The following NFIB variants were observed in gnomAD, a reference collection of about 807,000 sequenced individuals.
NFIB encodes nuclear factor I B, also known as nuclear factor 1 B-type.
NFIB carries 11 observed loss-of-function variants against 61.5 expected under a neutral mutation model. The observed-to-expected ratio is 0.18, with a 90% CI of 0.11 to 0.30. The LOEUF (loss-of-function observed/expected upper bound fraction) is 0.30, where lower values mean the gene tolerates loss of function less well. Ranked by LOEUF, NFIB falls within the 10% of genes least tolerant of loss-of-function variation. The pLI is 1.00. For synonymous variants in NFIB, 260 were observed against 216.5 expected (o/e 1.20, Z -1.76); for missense variants, 471 against 608.9 (o/e 0.77, Z 2.38).
the NFIB span, among the ~76,000 whole-genome samples, chr9:14,487,558 C>A: frequency 6.6e-6 from 1 of 152,108 alleles, no homozygotes; most frequent in African/African-American, 2.4e-5. Flanking sequence ...CCCCCAAATT[C>A]CTAAGCAAAT....
At chr9:14,211,166 T>C (rs2050266001) in intron 2 of NFIB, among the ~76,000 whole-genome samples, 1 of 152,334 alleles carries the variant, frequency 6.6e-6, no homozygotes, top group African/African-American at 2.4e-5. Context: ...ACAACAGTGC[T>C]CTTAGCTTAA....
At chr9:14,271,047 T>C (rs2057573326) in intron 2 of NFIB, among the ~76,000 whole-genome samples, 1 of 152,146 alleles carries the variant, frequency 6.6e-6, no homozygotes, top group Admixed American at 6.5e-5. Flanking sequence ...CACGTATGCA[T>C]GTTTTAAGAG....
At chr9:14,251,488 CA>C (rs145733205) in intron 2 of NFIB, among the ~76,000 whole-genome samples, 478 of 152,298 alleles carry the variant, frequency 3.1e-3, no homozygotes, top group Non-Finnish European at 5.2e-3. Context: ...CTTGGGTATT[CA>C]AAGGCCAAGT....
chr9:14,107,776 T>G (rs545726390), intron 10 of NFIB, among the ~76,000 whole-genome samples: 35 of 152,136 alleles, frequency 2.3e-4, no homozygotes, highest in Non-Finnish European at 4.1e-4. Flanking sequence ...CAAGAATATT[T>G]AATGCTAAAA....
chr9:14,307,462 G>A lies in NFIB; in HGVS notation c.89C>T (p.Thr30Ile). The change falls in exon 2 of 11, where the codon ACT becomes ATT. Residue 30 changes from threonine (T) to isoleucine (I), a missense_variant. Coordinates refer to ENST00000380953, the MANE Select transcript of NFIB (RefSeq NM_001190737.2). This position sits in a 1 kb window ranked among gnomAD's most constrained non-coding sequence, Gnocchi z 5.3. ...TTTTCGAGCCTGCAGGTTGAACCAA[G>A]TATAGGCAATTGCACGGACATGTGG... ...LLPHVRAIAY[T>I]WFNLQARKRK... 1 of 1,613,848 alleles carries A rather than the reference G, an allele frequency of 6.2e-7. No individual in the cohort carries two copies. The highest frequency in any genetic ancestry group is 8.5e-7 in the Non-Finnish European group (1 of 1,179,932).
rs892490243 is a variant in NFIB at position 14,300,086 on chromosome 9, C to T, written c.562+6903G>A. 3.5e-5 allele frequency: 14 copies of T among 397,712 alleles called. No homozygotes were observed. In the East Asian group the frequency reaches 5.0e-4, roughly 14 times the overall value. The allele number at this position is 397,712 out of a possible 1,614,324, so 24.6% of individuals were successfully genotyped here. On this transcript the variant is annotated intron_variant, in intron 2 of 10. Coordinates refer to ENST00000380953, the MANE Select transcript of NFIB (RefSeq NM_001190737.2). The stretch of plus-strand genomic sequence containing the variant: ...GTTCTCTGCAGTTTGATGATTTATT[C>T]TCTATGCCAAATTCTAACAACTAAA...
At chr9:14,172,774 C>CTT (rs925376777) in intron 3 of NFIB, among the ~76,000 whole-genome samples, 1 of 145,966 alleles carries the variant, frequency 6.9e-6, no homozygotes, top group Non-Finnish European at 1.5e-5. Flanking sequence ...AAATTCAACA[C>CTT]TTTTTTTTTT....
intron 10 of NFIB, among the ~76,000 whole-genome samples, chr9:14,110,114 G>C (rs1377863402): frequency 1.3e-5 from 2 of 152,000 alleles, no homozygotes; most frequent in African/African-American, 4.8e-5. Flanking sequence ...ATTTGATAAT[G>C]CTAGTAAGCT....
the NFIB span, among the ~76,000 whole-genome samples, chr9:14,461,901 G>C: frequency 6.6e-6 from 1 of 152,158 alleles, no homozygotes; most frequent in Non-Finnish European, 1.5e-5. Flanking sequence ...GAGCAACCAG[G>C]GAATAGCAAA....
chr9:14,410,199 A>C, the NFIB span, among the ~76,000 whole-genome samples: 21 of 137,508 alleles, frequency 1.5e-4, no homozygotes, highest in South Asian at 2.3e-4. Context: ...ACTATTTTCC[A>C]AAAAAAAAAA....
At chr9:14,262,334 G>C (rs1217756257) in intron 2 of NFIB, among the ~76,000 whole-genome samples, 1 of 152,182 alleles carries the variant, frequency 6.6e-6, no homozygotes, top group East Asian at 1.9e-4. Flanking sequence ...AGTTTTCACA[G>C]GTGGCTGTTT....
chr9:14,510,561 G>A, the NFIB span, among the ~76,000 whole-genome samples: 1 of 152,144 alleles, frequency 6.6e-6, no homozygotes, highest in Non-Finnish European at 1.5e-5. Context: ...AACTGCAGTG[G>A]AAAATGCATA....
chr9:14,414,416 A>G, the NFIB span, among the ~76,000 whole-genome samples: 2 of 145,942 alleles, frequency 1.4e-5, no homozygotes, highest in Admixed American at 6.8e-5. Context: ...GCCTGCGGAC[A>G]GAGTGAGACT....
At chr9:14,411,550 T>A in the NFIB span, among the ~76,000 whole-genome samples, 1 of 152,152 alleles carries the variant, frequency 6.6e-6, no homozygotes, top group Non-Finnish European at 1.5e-5. Flanking sequence ...AAAGAGATCG[T>A]GTCAGGAGAG....
the NFIB span, among the ~76,000 whole-genome samples, chr9:14,487,524 T>G: frequency 1.3e-5 from 2 of 152,200 alleles, no homozygotes; most frequent in Non-Finnish European, 2.9e-5. Context: ...TAGTGTGGGA[T>G]GCCCAGGGTC....
intron 7 of NFIB, 77 bp downstream of exon 7, chr9:14,125,555 A>T: frequency 6.4e-7 from 1 of 1,554,538 alleles, no homozygotes; most frequent in Middle Eastern, 2.3e-4. Flanking sequence ...CTATTTATAA[A>T]CTTTTGCTCC....
intron 3 of NFIB, among the ~76,000 whole-genome samples, chr9:14,171,882 T>C (rs972224465): frequency 6.6e-6 from 1 of 152,184 alleles, no homozygotes; most frequent in African/African-American, 2.4e-5. Context: ...AAGGTTAATA[T>C]ACTTTAAAAA....
upstream of NFIB, among the ~76,000 whole-genome samples, chr9:14,316,102 A>G (rs895822994): frequency 1.3e-5 from 2 of 152,168 alleles, no homozygotes; most frequent in Non-Finnish European, 2.9e-5. Flanking sequence ...ACCTGGAGGA[A>G]CCAGTGACTT....
At chr9:14,255,083 T>C (rs1486034877) in intron 2 of NFIB, among the ~76,000 whole-genome samples, 1 of 151,922 alleles carries the variant, frequency 6.6e-6, no homozygotes, top group Admixed American at 6.6e-5. Context: ...AATAGCCAGG[T>C]GTGGTGGCGC....
Sources: allele counts gnomAD v4.1 joint callset (sites outside exome capture counted in the v4.1 genomes callset), GRCh38; gene constraint gnomAD v4.1.1; non-coding constraint Gnocchi (gnomAD v3.1); transcripts MANE v1.5; gene names NCBI Gene and HGNC (gene_info 2026-07-23, HGNC 2026-07-21).